MTA3: variants seen among roughly 807,000 people sequenced by gnomAD.
MTA3 encodes metastasis-associated protein MTA3.
A neutral mutation model predicts 83.5 loss-of-function variants in MTA3; 34 were observed. The ratio of observed to expected loss-of-function variants is 0.41; its 90% CI spans 0.31 to 0.54. The LOEUF is 0.54. MTA3 is among the 20% of genes least tolerant of loss of function. MTA3 has a pLI of 0.33. For missense variants in MTA3, 761 were observed against 726.4 expected (o/e 1.05, Z -0.55); for synonymous variants, 303 against 252.7 (o/e 1.20, Z -1.89).
intron 9 of MTA3, among the ~76,000 whole-genome samples, chr2:42,689,411 G>A (rs1042930265): frequency 2.6e-5 from 4 of 152,082 alleles, no homozygotes; most frequent in African/African-American, 9.7e-5. Flanking sequence ...GCTAATGATG[G>A]CTACTTAGAA....
intron 3 of MTA3, among the ~76,000 whole-genome samples, chr2:42,594,728 A>ATATATATATATATATATATTTTTTTTTT: frequency 1.2e-4 from 3 of 24,044 alleles, no homozygotes; most frequent in Non-Finnish European, 1.9e-4. Flanking sequence ...ATATATATAT[A>ATATATATATATATATATATTTTTTTTTT]TTTTTTTTTT....
intron 8 of MTA3, chr2:42,680,374 C>T (rs1691763060): frequency 1.3e-5 from 2 of 152,214 alleles, no homozygotes; most frequent in Admixed American, 6.5e-5. Context: ...AGATGCACGA[C>T]TTAAGCCAAA....
chr2:42,629,155 C>T (rs976457451), intron 4 of MTA3, among the ~76,000 whole-genome samples: 1 of 152,104 alleles, frequency 6.6e-6, no homozygotes, highest in Admixed American at 6.6e-5. Flanking sequence ...TCTCAGCTCC[C>T]TGCAATCTCT....
chr2:42,577,724 C>A (rs1169162536), intron 2 of MTA3, among the ~76,000 whole-genome samples: 2 of 152,058 alleles, frequency 1.3e-5, no homozygotes, highest in Admixed American at 6.6e-5. Context: ...CGTGATCTGC[C>A]CACCTTGGAC....
intron 4 of MTA3, among the ~76,000 whole-genome samples, chr2:42,626,223 G>A (rs544599896): frequency 4.8e-5 from 7 of 146,474 alleles, no homozygotes; most frequent in Admixed American, 6.7e-5. Flanking sequence ...GATTACAGGC[G>A]TGAACCACCG....
intron 4 of MTA3, chr2:42,613,564 A>C (rs996577350): frequency 2.0e-5 from 3 of 152,222 alleles, no homozygotes; most frequent in Admixed American, 6.5e-5. Flanking sequence ...GGAGAAAATT[A>C]TCAAAGCCCC....
chr2:42,595,628 A>G (rs1681704447), intron 3 of MTA3, among the ~76,000 whole-genome samples: 2 of 152,170 alleles, frequency 1.3e-5, no homozygotes, highest in African/African-American at 4.8e-5. Context: ...TCCTATTAGA[A>G]CAAGGAAATA....
chr2:42,627,229 C>T (rs1209738279), intron 4 of MTA3, among the ~76,000 whole-genome samples: 1 of 152,116 alleles, frequency 6.6e-6, no homozygotes, highest in Admixed American at 6.5e-5. Flanking sequence ...AGGTGCTGGC[C>T]ACCATGCCCA....
chr2:42,726,616 T>A (rs1667839406), intron 16 of MTA3, among the ~76,000 whole-genome samples: 1 of 152,314 alleles, frequency 6.6e-6, no homozygotes, highest in Admixed American at 6.5e-5. Flanking sequence ...TTTGTTTTTT[T>A]GTCCTTGCAT....
At chr2:42,696,499 G>C (rs1693402018) in intron 10 of MTA3, among the ~76,000 whole-genome samples, 2 of 152,124 alleles carry the variant, frequency 1.3e-5, no homozygotes, top group African/African-American at 2.4e-5. Flanking sequence ...GCACATATTA[G>C]AACTGATAAA....
intron 3 of MTA3, among the ~76,000 whole-genome samples, chr2:42,609,156 G>A (rs542421474): frequency 7.3e-5 from 11 of 150,290 alleles, no homozygotes; most frequent in African/African-American, 2.0e-4. Flanking sequence ...TCAGCCTCCC[G>A]AGTAGCTGGG....
intron 4 of MTA3, among the ~76,000 whole-genome samples, chr2:42,637,608 A>G (rs1687318354): frequency 6.6e-6 from 1 of 152,146 alleles, no homozygotes; most frequent in African/African-American, 2.4e-5. Flanking sequence ...AATAATTCTG[A>G]CTCAACCTCT....
intron 4 of MTA3, among the ~76,000 whole-genome samples, chr2:42,621,478 C>A (rs1685535533): frequency 6.6e-6 from 1 of 152,246 alleles, no homozygotes; most frequent in Non-Finnish European, 1.5e-5. Flanking sequence ...CATCCCAAGG[C>A]AGAACAATTC....
chr2:42,624,882 T>G (rs1685924930), intron 4 of MTA3, among the ~76,000 whole-genome samples: 1 of 152,222 alleles, frequency 6.6e-6, no homozygotes. Flanking sequence ...TTATACCACA[T>G]CGGTTCTCCA....
intron 11 of MTA3, 21 bp from the exon 12 acceptor site, chr2:42,704,173 T>G: frequency 6.2e-7 from 1 of 1,611,366 alleles, no homozygotes; most frequent in East Asian, 2.2e-5. Context: ...TTTTATCACC[T>G]TATTTTAATT....
At chr2:42,543,511 G>C (rs1676615413) in intron 2 of MTA3, among the ~76,000 whole-genome samples, 1 of 152,018 alleles carries the variant, frequency 6.6e-6, no homozygotes, top group Non-Finnish European at 1.5e-5. Flanking sequence ...TTGAGACGGG[G>C]TCTCACTGTG....
At chr2:42,646,459 A>G (rs1218544296) in intron 6 of MTA3, among the ~76,000 whole-genome samples, 1 of 152,220 alleles carries the variant, frequency 6.6e-6, no homozygotes, top group Non-Finnish European at 1.5e-5. Flanking sequence ...TCCGTTCTAG[A>G]TGCCAGTAAC....
chr2:42,536,855 T>C (rs1401450942), intron 2 of MTA3, among the ~76,000 whole-genome samples: 2 of 39,126 alleles, frequency 5.1e-5, no homozygotes, highest in Non-Finnish European at 8.2e-5. Context: ...TGAGACCCCA[T>C]CTCAAAAAAA....
intron 3 of MTA3, among the ~76,000 whole-genome samples, chr2:42,583,691 G>C (rs1050686394): frequency 2.0e-5 from 3 of 149,772 alleles, no homozygotes; most frequent in Non-Finnish European, 1.5e-5. Flanking sequence ...ACCATGCCTG[G>C]CTAATTTTTG....
Sources: allele counts gnomAD v4.1 joint callset (sites outside exome capture counted in the v4.1 genomes callset), GRCh38; gene constraint gnomAD v4.1.1; transcripts MANE v1.5; gene names NCBI Gene and HGNC (gene_info 2026-07-23, HGNC 2026-07-21).